Variants in SDK1 observed in about 807,000 individuals in gnomAD.
The protein encoded by SDK1 is protein sidekick-1.
In SDK1, 157 loss-of-function variants were observed where a neutral mutation model predicts 245.5. The ratio of observed to expected loss-of-function variants is 0.64; its 90% CI spans 0.56 to 0.73. SDK1 has a LOEUF of 0.73. SDK1 is among the 30% of genes least tolerant of loss of function. The pLI, the probability that SDK1 is intolerant of heterozygous loss-of-function variation, is 0.00. For synonymous variants in SDK1, 1,647 were observed against 1,278.5 expected, an observed-to-expected ratio of 1.29 and a Z score of -6.15; for missense variants, 3,583 against 3,002.3, an observed-to-expected ratio of 1.19 and a Z score of -4.52.
intron 19 of SDK1, among the ~76,000 whole-genome samples, chr7:4,065,758 G>A (rs766166435): frequency 4.2e-5 from 5 of 117,740 alleles, no homozygotes; most frequent in Non-Finnish European, 8.3e-5. Context: ...AAAAAATTAC[G>A]ACTTGTGTTA....
chr7:3,347,106 A>C (rs144464530), intron 1 of SDK1, among the ~76,000 whole-genome samples: 12 of 151,810 alleles, frequency 7.9e-5, no homozygotes, highest in Non-Finnish European at 1.6e-4. Context: ...TTGGTTGCCC[A>C]TGCCATTCCC....
intron 13 of SDK1, among the ~76,000 whole-genome samples, chr7:3,984,731 T>C (rs1783688714): frequency 6.6e-6 from 1 of 152,186 alleles, no homozygotes; most frequent in Non-Finnish European, 1.5e-5. Flanking sequence ...CCACCTTTAG[T>C]TTCACGGCCT....
intron 1 of SDK1, among the ~76,000 whole-genome samples, chr7:3,474,581 G>GT (rs1266519830): frequency 1.1e-4 from 16 of 152,022 alleles, no homozygotes; most frequent in African/African-American, 3.6e-4. Context: ...TGTCTTACCT[G>GT]TTACCGTCTT....
chr7:3,785,240 C>T (rs1036349267), intron 4 of SDK1, among the ~76,000 whole-genome samples: 1 of 152,036 alleles, frequency 6.6e-6, no homozygotes, highest in African/African-American at 2.4e-5. Context: ...GTTAAAAGAT[C>T]TCAGGCAAGA....
intron 2 of SDK1, among the ~76,000 whole-genome samples, chr7:3,635,067 C>G (rs1562619111): frequency 6.6e-6 from 1 of 152,198 alleles, no homozygotes; most frequent in Non-Finnish European, 1.5e-5. Flanking sequence ...TTAAGCTAAT[C>G]TCACAGCTCC....
At chr7:3,375,240 C>G (rs181412058) in intron 1 of SDK1, among the ~76,000 whole-genome samples, 2 of 151,758 alleles carry the variant, frequency 1.3e-5, no homozygotes, top group African/African-American at 4.8e-5. Context: ...CTAGTGGAGA[C>G]TTGCCTTTAC....
intron 9 of SDK1, among the ~76,000 whole-genome samples, chr7:3,964,844 T>G (rs1393849603): frequency 3.3e-5 from 5 of 152,208 alleles, no homozygotes; most frequent in Admixed American, 3.3e-4. Context: ...AAGCTGTGCA[T>G]GTGTTTCGGT....
intron 5 of SDK1, among the ~76,000 whole-genome samples, chr7:3,837,307 T>C (rs1404675428): frequency 1.3e-5 from 2 of 152,212 alleles, no homozygotes; most frequent in African/African-American, 2.4e-5. Flanking sequence ...TAAAAATACA[T>C]GAGCCAATAT....
intron 4 of SDK1, among the ~76,000 whole-genome samples, chr7:3,700,463 A>G (rs1405767312): frequency 6.6e-6 from 1 of 152,162 alleles, no homozygotes; most frequent in East Asian, 1.9e-4. Context: ...AGGTTTTTAT[A>G]CTTAAACTGG....
chr7:3,759,480 G>C (rs940063295), intron 4 of SDK1, among the ~76,000 whole-genome samples: 3 of 152,104 alleles, frequency 2.0e-5, no homozygotes, highest in Non-Finnish European at 4.4e-5. Flanking sequence ...AGCGACTGTG[G>C]ACTGTCTCCC....
chr7:4,236,825 G>A lies in SDK1; in HGVS notation c.5993-822G>A, dbSNP rs542011363. 3.9e-5 allele frequency among the ~76,000 whole-genome samples: 6 copies of A among 152,154 alleles called. No homozygotes were observed. The East Asian group carries it at 1.2e-3, about 30-fold the overall frequency. ...CAGGGGACCTGGAGCTGTTTTGGGGGGTGTCCCAGCACCAGGAGAGAGAAG... is the reference window on the plus strand; with the variant it reads ...CAGGGGACCTGGAGCTGTTTTGGGGAGTGTCCCAGCACCAGGAGAGAGAAG... On this transcript the variant is annotated intron_variant, in intron 41 of 44. Transcript: ENST00000404826.
chr7:4,145,482 G>A (rs549014864), intron 28 of SDK1, among the ~76,000 whole-genome samples: 5 of 152,138 alleles, frequency 3.3e-5, no homozygotes, highest in Admixed American at 2.0e-4. Context: ...AGATGAACCC[G>A]TGTTCACACC....
At chr7:3,744,442 C>G (rs911031175) in intron 4 of SDK1, among the ~76,000 whole-genome samples, 3 of 151,910 alleles carry the variant, frequency 2.0e-5, no homozygotes, top group Admixed American at 6.6e-5. Flanking sequence ...TAAATCCGAT[C>G]AATGAATTCA....
At chr7:4,056,045 G>A (rs1203004035) in intron 19 of SDK1, among the ~76,000 whole-genome samples, 2 of 152,090 alleles carry the variant, frequency 1.3e-5, no homozygotes, top group Admixed American at 1.3e-4. Flanking sequence ...TAATGGCCTA[G>A]GATATGGTCA....
intron 28 of SDK1, among the ~76,000 whole-genome samples, chr7:4,144,627 G>T (rs535472691): frequency 1.3e-5 from 2 of 152,030 alleles, no homozygotes; most frequent in African/African-American, 4.8e-5. Context: ...GAGCTCGGTC[G>T]TTCATGAACC....
At chr7:3,860,370 G>A (rs1209427005) in intron 5 of SDK1, among the ~76,000 whole-genome samples, 3 of 152,140 alleles carry the variant, frequency 2.0e-5, no homozygotes, top group African/African-American at 7.2e-5. Context: ...TGACAAGAAG[G>A]TTGATAGGTG....
At chr7:3,928,034 A>G (rs143168782) in intron 5 of SDK1, among the ~76,000 whole-genome samples, 154 of 152,340 alleles carry the variant, frequency 1.0e-3, no homozygotes, top group African/African-American at 3.6e-3. Context: ...TAGGAAATTG[A>G]CGACTTATCT....
Position 4,026,377 on chromosome 7 carries a change from A to G in SDK1, c.2602+9025A>G, listed in dbSNP as rs1212287362. Among the ~76,000 whole-genome samples the G allele has an allele frequency of 6.6e-6, 1 of 152,208 alleles. No homozygotes were observed. Among genetic ancestry groups the G allele is most frequent in the Non-Finnish European group, 1.5e-5 (1 of 68,034 alleles). ...CAGCGTTTGGCATGGGCGAAGATAT[A>G]TTTTAGGAATGAAACTGGTATTTTG... On this transcript the variant is annotated intron_variant, in intron 17 of 44. Coordinates refer to ENST00000404826, the MANE Select transcript of SDK1 (RefSeq NM_152744.4). This position sits in a 1 kb window ranked among gnomAD's most constrained non-coding sequence, Gnocchi z 4.1.
intron 17 of SDK1, among the ~76,000 whole-genome samples, chr7:4,032,672 A>G (rs2128159181): frequency 6.6e-6 from 1 of 152,370 alleles, no homozygotes; most frequent in East Asian, 1.9e-4. Flanking sequence ...CTTCATATGC[A>G]CAAGCAAAAC....
Sources: allele counts gnomAD v4.1 joint callset (sites outside exome capture counted in the v4.1 genomes callset), GRCh38; gene constraint gnomAD v4.1.1; non-coding constraint Gnocchi (gnomAD v3.1); transcripts MANE v1.5; gene names NCBI Gene and HGNC (gene_info 2026-07-23, HGNC 2026-07-21).